Variants in ATP10D observed in about 807,000 individuals in gnomAD.
ATP10D encodes the protein phospholipid-transporting ATPase VD.
A neutral mutation model predicts 144.8 loss-of-function variants in ATP10D; 89 were observed. The ratio of observed to expected loss-of-function variants is 0.61; its 90% CI spans 0.52 to 0.73. The LOEUF (loss-of-function observed/expected upper bound fraction) is 0.73, where lower values mean the gene tolerates loss of function less well. ATP10D is among the 30% of genes least tolerant of loss of function. The pLI is 0.00. For synonymous variants in ATP10D, 571 were observed against 615.1 expected (o/e 0.93, Z 1.06); for missense variants, 1,603 against 1,714.8 (o/e 0.93, Z 1.15).
chr4:47,554,723 C>T lies in ATP10D; in HGVS notation c.1636-3C>T, dbSNP rs201463167. On this transcript the variant is annotated splice_region_variant and splice_polypyrimidine_tract_variant and intron_variant, in intron 10 of 22. Transcript: ENST00000273859. ...ACAACACACTGTCTTATTGGATCTT[C>T]AGGAAACAGACGTGGTACCAGACAC... is the stretch of plus-strand genomic sequence containing the variant. The T allele has an allele frequency of 2.9e-5, 46 of 1,601,760 alleles. No homozygotes were observed. The highest frequency in any genetic ancestry group is 3.7e-5 in the Non-Finnish European group (43 of 1,173,794).
intron 19 of ATP10D, chr4:47,578,399 TC>T (rs1214725104): frequency 1.3e-5 from 2 of 152,186 alleles, no homozygotes; most frequent in Non-Finnish European, 2.9e-5. Context: ...CCCACAATCT[TC>T]TTTTTTGGCT....
chr4:47,515,046 C>T (rs143907084), intron 2 of ATP10D, among the ~76,000 whole-genome samples: 8 of 152,138 alleles, frequency 5.3e-5, no homozygotes, highest in African/African-American at 1.9e-4. Context: ...CTGCAGCCTC[C>T]GACTTCTGGG....
At chr4:47,569,273 A>C in intron 16 of ATP10D, 127 bp downstream of exon 16, 1 of 1,064,670 alleles carries the variant, frequency 9.4e-7, no homozygotes, top group Non-Finnish European at 1.3e-6. Flanking sequence ...TACCACATTC[A>C]TGCCTTCCCA....
intron 1 of ATP10D, among the ~76,000 whole-genome samples, chr4:47,494,256 G>A (rs1327622035): frequency 6.6e-6 from 1 of 152,060 alleles, no homozygotes; most frequent in Non-Finnish European, 1.5e-5. Context: ...GCTGTATTTG[G>A]GGATAATGAT....
At chr4:47,496,114 A>G (rs1166481045) in intron 1 of ATP10D, among the ~76,000 whole-genome samples, 1 of 149,432 alleles carries the variant, frequency 6.7e-6, no homozygotes, top group African/African-American at 2.5e-5. Context: ...GCAGTCAACA[A>G]TTTCTCTATT....
intron 22 of ATP10D, 29 bp downstream of exon 22, chr4:47,587,235 A>G (rs769919927): frequency 2.2e-4 from 350 of 1,578,080 alleles, no homozygotes; most frequent in Non-Finnish European, 3.0e-4. Context: ...CATTGAGAGA[A>G]TAAATGGAAT....
At chr4:47,491,190 A>C in intron 1 of ATP10D, 1 of 750,556 alleles carries the variant, frequency 1.3e-6, no homozygotes. Flanking sequence ...TGTGCTCAAT[A>C]TGCACATTAA....
chr4:47,503,804 CAGG>C (rs988142001), intron 1 of ATP10D, among the ~76,000 whole-genome samples: 85 of 151,994 alleles, frequency 5.6e-4, no homozygotes, highest in Middle Eastern at 6.8e-3. Context: ...GAAGCTGAGG[CAGG>C]AGGATAGCTT....
chr4:47,542,954 A>G (rs1718229096), intron 9 of ATP10D, among the ~76,000 whole-genome samples: 1 of 151,890 alleles, frequency 6.6e-6, no homozygotes. Context: ...AATGATGGCT[A>G]GGAGTTACAC....
intron 4 of ATP10D, among the ~76,000 whole-genome samples, chr4:47,524,601 A>G (rs1717137483): frequency 6.6e-6 from 1 of 152,228 alleles, no homozygotes; most frequent in Non-Finnish European, 1.5e-5. Context: ...CACACTGTGC[A>G]TTCATTAAGG....
chr4:47,492,489 G>A (rs1715129153), intron 1 of ATP10D, among the ~76,000 whole-genome samples: 2 of 152,034 alleles, frequency 1.3e-5, no homozygotes, highest in Non-Finnish European at 2.9e-5. Flanking sequence ...CATACCATTT[G>A]TAGTTTTGAT....
intron 2 of ATP10D, 31 bp downstream of exon 2, chr4:47,512,861 A>T (rs752095481): frequency 9.0e-6 from 14 of 1,554,078 alleles, no homozygotes; most frequent in Non-Finnish European, 1.2e-5. Flanking sequence ...AAAACCTTAG[A>T]ATATCATTCT....
At chr4:47,538,859 G>A (rs537222325) in intron 9 of ATP10D, among the ~76,000 whole-genome samples, 2 of 152,174 alleles carry the variant, frequency 1.3e-5, no homozygotes, top group Non-Finnish European at 2.9e-5. Flanking sequence ...TTCTCATTTT[G>A]AATCTTTCTG....
At chr4:47,487,442 A>G (rs1378403306) in intron 1 of ATP10D, among the ~76,000 whole-genome samples, 1 of 152,158 alleles carries the variant, frequency 6.6e-6, no homozygotes, top group Admixed American at 6.5e-5. Flanking sequence ...ATTGTCTGAT[A>G]TAGTTGGAAG....
intron 19 of ATP10D, among the ~76,000 whole-genome samples, chr4:47,577,635 T>C (rs1174989206): frequency 6.6e-6 from 1 of 152,208 alleles, no homozygotes; most frequent in Non-Finnish European, 1.5e-5. Flanking sequence ...TTTAAAATAA[T>C]GCATTTATTT....
Position 47,546,643 on chromosome 4 carries a change from T to G in ATP10D, c.1416T>G (p.Tyr472Ter). 2 of 1,614,074 alleles carry G rather than the reference T, an allele frequency of 1.2e-6. No homozygotes were observed. The highest frequency in any genetic ancestry group is 8.5e-7 in the Non-Finnish European group (1 of 1,179,946). ...HEENARRLESYQEAVSEDEDF... is the reference protein window; with the variant it reads ...HEENARRLES The stretch of plus-strand genomic sequence containing the variant: ...CCACAGCCAGGAGGTTGGAGTCCTA[T>G]CAGGAAGCTGTCTCTGAAGATGAAG... Residue 472 changes from tyrosine to a stop codon, truncating the protein, a stop_gained, in exon 10 of 23, where the codon TAT becomes TAG. Transcript: ENST00000273859. LOFTEE classifies it high-confidence loss of function.
intron 10 of ATP10D, among the ~76,000 whole-genome samples, chr4:47,549,761 G>C (rs147716510): frequency 6.6e-6 from 1 of 152,352 alleles, no homozygotes; most frequent in Non-Finnish European, 1.5e-5. Context: ...ATCAAGAAAG[G>C]CTGCCCGGAA....
chr4:47,543,892 T>C (rs1478324869), intron 9 of ATP10D, among the ~76,000 whole-genome samples: 2 of 152,192 alleles, frequency 1.3e-5, no homozygotes, highest in Non-Finnish European at 1.5e-5. Flanking sequence ...TCAAAAAATA[T>C]TAACTTCCTA....
In ATP10D at chr4:47,591,417, T is replaced by G. The variant is rs2109486813; in HGVS notation, c.*36T>G. The G allele has an allele frequency of 6.6e-7, 1 of 1,510,116 alleles. No individual in the cohort carries two copies. The highest frequency in any genetic ancestry group is 8.9e-7 in the Non-Finnish European group (1 of 1,120,040). 93.5% of individuals were successfully genotyped at this position (1,510,116 alleles called of 1,614,324 possible). A position where few individuals can be genotyped will look rare whatever the true frequency, so the allele number is the denominator to read the frequency against. ...TGGAGTTGCAAGTATTCTTTCAAGG[T>G]TGGAAGAGGGATTTTGAAGAGGTAT... On this transcript the variant is annotated 3_prime_UTR_variant, in exon 23 of 23. Transcript: ENST00000273859.
Sources: gnomAD v4.1 joint callset for allele counts (sites outside exome capture counted in the v4.1 genomes callset) on GRCh38, gnomAD v4.1.1 for gene constraint, MANE v1.5 for transcripts, NCBI Gene and HGNC (gene_info 2026-07-23, HGNC 2026-07-21) for gene names.